The following TBX21 variants were observed in gnomAD, a reference collection of about 807,000 sequenced individuals.
TBX21 encodes T-box transcription factor TBX21.
In TBX21, 11 loss-of-function variants were observed where a neutral mutation model predicts 52.2. The ratio of observed to expected loss-of-function variants is 0.21; its 90% CI spans 0.13 to 0.35. TBX21 has a LOEUF of 0.35. Ranked by LOEUF, TBX21 falls within the 10% of genes least tolerant of loss-of-function variation. TBX21 has a pLI of 1.00. For synonymous variants in TBX21, 300 were observed against 316.1 expected, an observed-to-expected ratio of 0.95 and a Z score of 0.54; for missense variants, 625 against 755.1, an observed-to-expected ratio of 0.83 and a Z score of 2.02.
At chr17:47,744,691 C>A in intron 5 of TBX21, 57 bp from the exon 6 acceptor site, 1 of 1,597,058 alleles carries the variant, frequency 6.3e-7, no homozygotes, top group Non-Finnish European at 8.5e-7. Context: ...AACAGGTAGG[C>A]TCACAGGTGA....
At chr17:47,743,691 C>A (rs575411226) in intron 3 of TBX21, among the ~76,000 whole-genome samples, 161 of 152,052 alleles carry the variant, frequency 1.1e-3, no homozygotes, top group African/African-American at 3.8e-3. Flanking sequence ...ACCAGCCTGG[C>A]CAAGATGATG....
chr17:47,743,288 C>A, intron 3 of TBX21, 96 bp downstream of exon 3: 1 of 1,498,478 alleles, frequency 6.7e-7, no homozygotes, highest in South Asian at 1.3e-5. Context: ...CAGTTTGGTT[C>A]ATTTTTTCTT....
In TBX21 at chr17:47,745,189, G is replaced by A; in HGVS notation, c.1431G>A (p.Trp477Ter). Residue 477 changes from tryptophan (W) to a stop codon, truncating the protein, a stop_gained, in exon 6 of 6, where the codon TGG (tryptophan) becomes TGA (stop). Coordinates refer to ENST00000177694, the MANE Select transcript of TBX21 (RefSeq NM_013351.2). LOFTEE classifies it high-confidence loss of function. The part of the protein sequence containing the change: ...GPEDQGPPLV[W>*]TEIAPIRPES... ...AGGACCAGGGTCCCCCCTTGGTGTG[G>A]ACTGAGATTGCCCCCATCCGGCCGG... 1.2e-6 allele frequency: 2 copies of A among 1,614,206 alleles called. No individual in the cohort carries two copies. The highest frequency in any genetic ancestry group is 1.7e-6 in the Non-Finnish European group (2 of 1,180,028).
intron 1 of TBX21, among the ~76,000 whole-genome samples, chr17:47,739,481 T>TG (rs56366102): frequency 1 from 152,165 of 152,174 alleles, 76,078 homozygotes; most frequent in Middle Eastern, 1. Context: ...CAGTATGGCC[T>TG]GGCGCGGTGG....
chr17:47,742,131 G>C lies in TBX21; in HGVS notation c.492-479G>C, dbSNP rs1190713849. On this transcript the variant is annotated intron_variant, in intron 1 of 5. Transcript: ENST00000177694. This position sits in a 1 kb window ranked among gnomAD's most constrained non-coding sequence, Gnocchi z 4.4. ...GTCATCCAGGCTGGAGGGCAGTGGC[G>C]CGATCTCAGCTCACTGTAACCTCTG... Among the ~76,000 whole-genome samples, 1 of 151,058 alleles carries C rather than the reference G, an allele frequency of 6.6e-6. No homozygotes were observed. The highest frequency in any genetic ancestry group is 1.5e-5 in the Non-Finnish European group (1 of 67,856).
Position 47,745,045 on chromosome 17 carries a change from A to AGCTG in TBX21, c.1294_1297dup (p.Pro433LeufsTer48), listed in dbSNP as rs2032314428. 6.2e-7 allele frequency: 1 copy of AGCTG among 1,612,602 alleles called. No homozygotes were observed. Among genetic ancestry groups the AGCTG allele is most frequent in the Non-Finnish European group, 8.5e-7 (1 of 1,179,998 alleles). ...GAGGCCAGGAGGTCCTGGCACCTGG[A>AGCTG]GCTGGCTGGCCTGTGGCACCCCAGT... is the stretch of plus-strand genomic sequence containing the variant. On this transcript the variant is annotated frameshift_variant, in exon 6 of 6. Coordinates refer to ENST00000177694, the MANE Select transcript of TBX21 (RefSeq NM_013351.2). LOFTEE classifies it high-confidence loss of function.
At chr17:47,735,194 G>C (rs967869234) in intron 1 of TBX21, among the ~76,000 whole-genome samples, 3 of 152,094 alleles carry the variant, frequency 2.0e-5, no homozygotes, top group Non-Finnish European at 2.9e-5. Context: ...GACCCCAGAG[G>C]TTGGTATTCG....
chr17:47,735,002 T>A (rs1006093905), intron 1 of TBX21, among the ~76,000 whole-genome samples: 3 of 152,046 alleles, frequency 2.0e-5, no homozygotes, highest in African/African-American at 7.3e-5. Context: ...GTGGACTGTG[T>A]CTGATGTGGG....
In TBX21 at chr17:47,745,167, A is replaced by G. The variant is rs2032318259; in HGVS notation, c.1409A>G (p.Asp470Gly). 6.2e-7 allele frequency: 1 copy of G among 1,614,028 alleles called. No individual in the cohort carries two copies. The highest frequency in any genetic ancestry group is 1.3e-5 in the African/African-American group (1 of 74,936). ...PGGSEGRGPE[D>G]QGPPLVWTEI... ...GGCTCAGAGGGACGGGGACCAGAGG[A>G]CCAGGGTCCCCCCTTGGTGTGGACT... is the stretch of plus-strand genomic sequence containing the variant. Residue 470 changes from aspartate to glycine, a missense_variant, in exon 6 of 6, where the codon GAC becomes GGC. By Grantham distance (94) the Asp-to-Gly change is moderately conservative. This residue lies in a region of TBX21 where 261 missense variants were observed against 275.1 expected (regional missense o/e 0.95). Coordinates refer to ENST00000177694, the MANE Select transcript of TBX21 (RefSeq NM_013351.2).
intron 1 of TBX21, among the ~76,000 whole-genome samples, chr17:47,738,512 C>T (rs1056949736): frequency 6.6e-6 from 1 of 152,106 alleles, no homozygotes; most frequent in Non-Finnish European, 1.5e-5. Context: ...GCCAGAATAC[C>T]CTCCCAAAAG....
Position 47,744,254 on chromosome 17 carries a change from C to T in TBX21, c.828C>T (p.Asn276=), listed in dbSNP as rs1465001850. The change falls in exon 4 of 6, where the codon AAC becomes AAT. Residue 276 remains asparagine (N), a synonymous_variant. Transcript: ENST00000177694. ...YQPRLHIVEV[N]DGEPEAACNA... The stretch of plus-strand genomic sequence containing the variant: ...CCCGGCTGCATATCGTTGAGGTGAA[C>T]GACGGAGAGCCAGAGGCAGCCTGCA... 8.7e-6 allele frequency: 14 copies of T among 1,614,202 alleles called. No individual in the cohort carries two copies. The highest frequency in any genetic ancestry group is 1.1e-5 in the Non-Finnish European group (13 of 1,180,036).
Position 47,733,615 on chromosome 17 carries a change from TG to T in TBX21, c.165del (p.Ser56LeufsTer82), listed in dbSNP as rs1339710873. On this transcript the variant is annotated frameshift_variant, in exon 1 of 6. Coordinates refer to ENST00000177694, the MANE Select transcript of TBX21 (RefSeq NM_013351.2). LOFTEE classifies it high-confidence loss of function. The surrounding 1 kb of genome is among the most constrained non-coding windows in gnomAD (Gnocchi z 6.6). ...DADERRGGGS[L>X]GSPYPGGALV... ...GACGAGCGTCGCGGGGGCGGCAGCC[TG>T]GGGTCTCCCTACCCGGGGGGCGCCT... 2 of 1,453,560 alleles carry T rather than the reference TG, an allele frequency of 1.4e-6. No individual in the cohort carries two copies. Among genetic ancestry groups the T allele is most frequent in the Non-Finnish European group, 9.0e-7 (1 of 1,109,846 alleles). 90.0% of individuals were successfully genotyped at this position (1,453,560 alleles called of 1,614,324 possible). A position where few individuals can be genotyped will look rare whatever the true frequency, so the allele number is the denominator to read the frequency against.
intron 1 of TBX21, among the ~76,000 whole-genome samples, chr17:47,736,561 C>T (rs921915765): frequency 1.3e-5 from 2 of 152,060 alleles, no homozygotes; most frequent in African/African-American, 4.8e-5. Context: ...GGCAGTGGCT[C>T]TTCACTGTTT....
intron 3 of TBX21, among the ~76,000 whole-genome samples, chr17:47,743,695 G>A (rs1158289902): frequency 6.6e-6 from 1 of 151,888 alleles, no homozygotes; most frequent in Admixed American, 6.6e-5. Context: ...GCCTGGCCAA[G>A]ATGATGAAAC....
chr17:47,733,239 G>C lies in TBX21; in HGVS notation c.-216G>C. 3.5e-6 allele frequency: 2 copies of C among 579,388 alleles called. No homozygotes were observed. The highest frequency in any genetic ancestry group is 2.8e-6 in the Non-Finnish European group (1 of 359,716). The allele number at this position is 579,388 out of a possible 1,614,324, so 35.9% of individuals were successfully genotyped here. On this transcript the variant is annotated 5_prime_UTR_variant, in exon 1 of 6. Transcript: ENST00000177694. This position sits in a 1 kb window ranked among gnomAD's most constrained non-coding sequence, Gnocchi z 6.6. ...CACAGCAAAGCGCTGCGACTCTAGT[G>C]ACAGCGGCCCGCTGGAGAGGAAGCC...
chr17:47,742,301 C>T lies in TBX21; in HGVS notation c.492-309C>T, dbSNP rs1235445826. Among the ~76,000 whole-genome samples, 3 of 152,052 alleles carry T rather than the reference C, an allele frequency of 2.0e-5. No homozygotes were observed. The highest frequency in any genetic ancestry group is 2.4e-5 in the African/African-American group (1 of 41,394). On this transcript the variant is annotated intron_variant, in intron 1 of 5. Transcript: ENST00000177694. This position sits in a 1 kb window ranked among gnomAD's most constrained non-coding sequence, Gnocchi z 4.4. ...TTCGCCATGTTGGCCAGGCTGGTCT[C>T]GAACTCCTGACCTCAGGTGATCCGC...
rs1206167278 is a variant in TBX21 at position 47,742,883 on chromosome 17, C to T, written c.646+119C>T. On this transcript the variant is annotated intron_variant, in intron 2 of 5. Coordinates refer to ENST00000177694, the MANE Select transcript of TBX21 (RefSeq NM_013351.2). This position sits in a 1 kb window ranked among gnomAD's most constrained non-coding sequence, Gnocchi z 4.4. ...TTTAACCCCCTCCCACTCCATCCCA[C>T]GCCATTGCATCCCTCCTGTTTCTGG... The T allele has an allele frequency of 1.4e-6, 2 of 1,467,156 alleles. No individual in the cohort carries two copies. The highest frequency in any genetic ancestry group is 1.4e-5 in the South Asian group (1 of 73,896). The allele number at this position is 1,467,156 out of a possible 1,614,324, so 90.9% of individuals were successfully genotyped here. A position where few individuals can be genotyped will look rare whatever the true frequency, so the allele number is the denominator to read the frequency against.
chr17:47,744,683 C>G, intron 5 of TBX21, 65 bp from the exon 6 acceptor site: 1 of 1,596,616 alleles, frequency 6.3e-7, no homozygotes, highest in Middle Eastern at 1.7e-4. Context: ...ATGTGTGAAA[C>G]AGGTAGGCTC....
intron 5 of TBX21, 41 bp downstream of exon 5, chr17:47,744,584 A>C (rs1162653942): frequency 3.7e-6 from 6 of 1,612,624 alleles, no homozygotes; most frequent in Non-Finnish European, 5.1e-6. Flanking sequence ...GTCCCTCCTG[A>C]GACACATCCT....
Sources: allele counts gnomAD v4.1 joint callset (sites outside exome capture counted in the v4.1 genomes callset), GRCh38; gene constraint gnomAD v4.1.1; regional missense constraint gnomAD v4.1.1; non-coding constraint Gnocchi (gnomAD v3.1); transcripts MANE v1.5; gene names NCBI Gene and HGNC (gene_info 2026-07-23, HGNC 2026-07-21).